Variants in CMIP observed in about 807,000 individuals in gnomAD.
CMIP encodes C-Maf-inducing protein.
Under a neutral mutation model 97.3 loss-of-function variants are expected in CMIP, and 13 were observed. The ratio of observed to expected loss-of-function variants is 0.13; its 90% CI spans 0.09 to 0.21. The LOEUF (loss-of-function observed/expected upper bound fraction) is 0.21. Among genes scored for constraint, CMIP ranks in the 10% least tolerant of loss-of-function variants. The pLI is 1.00. For synonymous variants in CMIP, 538 were observed against 436.3 expected (o/e 1.23, Z -2.91); for missense variants, 847 against 1,024.9 (o/e 0.83, Z 2.37).
At chr16:81,560,013 T>A (rs1035493369) in intron 1 of CMIP, among the ~76,000 whole-genome samples, 5 of 151,704 alleles carry the variant, frequency 3.3e-5, no homozygotes, top group Non-Finnish European at 5.9e-5. Context: ...CGGGGCATAG[T>A]GGTGTGCACC....
chr16:81,544,618 G>T (rs1185695718), intron 1 of CMIP, among the ~76,000 whole-genome samples: 1 of 151,746 alleles, frequency 6.6e-6, no homozygotes, highest in Non-Finnish European at 1.5e-5. Context: ...CACCACAGGG[G>T]TGCATGTGTG....
chr16:81,645,579 C>A, intron 3 of CMIP: 1 of 1,536,008 alleles, frequency 6.5e-7, no homozygotes, highest in Non-Finnish European at 8.7e-7. Context: ...GTTGCCAGAG[C>A]GATGGCAAGT....
At position 81,652,019 on chromosome 16, in the gene CMIP, C is replaced by T. The variant is rs926883994; in HGVS notation, c.478-184C>T. On this transcript the variant is annotated intron_variant, in intron 3 of 20. Coordinates refer to ENST00000537098, the MANE Select transcript of CMIP (RefSeq NM_198390.3). This position sits in a 1 kb window ranked among gnomAD's most constrained non-coding sequence, Gnocchi z 5.2. ...AGGAGGCCTGGCTGCAAATGCACCC[C>T]GTGACTTTGGATGAGACCCTTCCTC... 3.3e-5 allele frequency among the ~76,000 whole-genome samples: 5 copies of T among 152,054 alleles called. No homozygotes were observed. Among genetic ancestry groups the T allele is most frequent in the African/African-American group, 9.7e-5 (4 of 41,390 alleles).
intron 1 of CMIP, among the ~76,000 whole-genome samples, chr16:81,563,744 G>A (rs749918758): frequency 3.9e-5 from 6 of 152,156 alleles, no homozygotes; most frequent in East Asian, 3.9e-4. Flanking sequence ...CTATTATTAT[G>A]GGGCTTCATG....
intron 10 of CMIP, among the ~76,000 whole-genome samples, chr16:81,685,789 C>G (rs768095887): frequency 1.3e-5 from 2 of 151,466 alleles, no homozygotes; most frequent in Non-Finnish European, 2.9e-5. Flanking sequence ...GTCTCGAACT[C>G]CTGGCCTCAA....
intron 1 of CMIP, among the ~76,000 whole-genome samples, chr16:81,550,173 G>C (rs1021895235): frequency 6.6e-6 from 1 of 152,234 alleles, no homozygotes; most frequent in Non-Finnish European, 1.5e-5. Flanking sequence ...CTGTTCCACA[G>C]TGGATACAGA....
intron 13 of CMIP, 109 bp from the exon 14 acceptor site, chr16:81,696,451 T>A: frequency 9.1e-7 from 1 of 1,097,378 alleles, no homozygotes; most frequent in Non-Finnish European, 1.3e-6. Flanking sequence ...AGCGGGTTTC[T>A]TGACTGCAGG....
At chr16:81,639,970 C>T (rs2150986812) in intron 3 of CMIP, among the ~76,000 whole-genome samples, 1 of 152,272 alleles carries the variant, frequency 6.6e-6, no homozygotes. Flanking sequence ...CTGCTGGTGT[C>T]GGCTGATGTA....
At chr16:81,615,981 G>A (rs1039956849) in intron 2 of CMIP, among the ~76,000 whole-genome samples, 1 of 151,914 alleles carries the variant, frequency 6.6e-6, no homozygotes, top group Non-Finnish European at 1.5e-5. Context: ...AGGGGACCAC[G>A]GCCAGCTTTC....
intron 15 of CMIP, 72 bp from the exon 16 acceptor site, chr16:81,701,588 T>A: frequency 6.2e-7 from 1 of 1,606,274 alleles, no homozygotes; most frequent in South Asian, 1.1e-5. Context: ...AACAAGGCCC[T>A]TGGGGTGCAC....
At chr16:81,591,804 T>C (rs759003131) in intron 1 of CMIP, among the ~76,000 whole-genome samples, 2 of 150,744 alleles carry the variant, frequency 1.3e-5, no homozygotes, top group African/African-American at 4.9e-5. Context: ...TTATGCAGTT[T>C]ACTGGTTTTC....
intron 7 of CMIP, among the ~76,000 whole-genome samples, chr16:81,667,766 AAGAGAG>A (rs59388984): frequency 0.031 from 2,623 of 85,032 alleles, 72 homozygotes; most frequent in Admixed American, 0.055. Flanking sequence ...GAGGGAGAGA[AAGAGAG>A]AGAGAGAGAG....
intron 1 of CMIP, chr16:81,495,220 G>A (rs1457377578): frequency 8.7e-6 from 9 of 1,029,772 alleles, no homozygotes; most frequent in African/African-American, 1.6e-5. Flanking sequence ...GTAGCATAGG[G>A]TTTCTCAGTG....
intron 2 of CMIP, among the ~76,000 whole-genome samples, chr16:81,611,721 TTCC>T (rs1474697749): frequency 6.6e-6 from 1 of 152,198 alleles, no homozygotes; most frequent in Non-Finnish European, 1.5e-5. Flanking sequence ...CCCTCTTCTC[TTCC>T]TCCTCCTCCG....
intron 10 of CMIP, among the ~76,000 whole-genome samples, chr16:81,685,652 C>T (rs1250289772): frequency 2.0e-5 from 3 of 152,034 alleles, no homozygotes; most frequent in African/African-American, 7.2e-5. Flanking sequence ...TCAAAGAATC[C>T]TCCCACCTCA....
intron 1 of CMIP, among the ~76,000 whole-genome samples, chr16:81,448,754 C>G (rs563520060): frequency 2.6e-5 from 4 of 152,244 alleles, no homozygotes; most frequent in African/African-American, 9.6e-5. Context: ...AGCAGATAGG[C>G]GACAGCTGAC....
intron 4 of CMIP, among the ~76,000 whole-genome samples, chr16:81,653,754 A>T (rs1489483863): frequency 6.6e-6 from 1 of 152,238 alleles, no homozygotes; most frequent in Non-Finnish European, 1.5e-5. Context: ...CTGAGATTAC[A>T]GGCGTGCGCC....
chr16:81,690,711 G>C (rs1257125510), intron 10 of CMIP, among the ~76,000 whole-genome samples: 1 of 152,224 alleles, frequency 6.6e-6, no homozygotes, highest in African/African-American at 2.4e-5. Context: ...GATCACCTGA[G>C]GCCAGGAGTT....
chr16:81,515,776 C>T (rs919280576), intron 1 of CMIP, among the ~76,000 whole-genome samples: 1 of 152,186 alleles, frequency 6.6e-6, no homozygotes, highest in African/African-American at 2.4e-5. Context: ...GAGCCAATCT[C>T]TGTAGGTTCT....
Sources: allele counts gnomAD v4.1 joint callset (sites outside exome capture counted in the v4.1 genomes callset), GRCh38; gene constraint gnomAD v4.1.1; non-coding constraint Gnocchi (gnomAD v3.1); transcripts MANE v1.5; gene names NCBI Gene and HGNC (gene_info 2026-07-23, HGNC 2026-07-21).